Variants in LNPEP observed in about 807,000 individuals in gnomAD.
LNPEP encodes leucyl-cystinyl aminopeptidase.
LNPEP carries 64 observed loss-of-function variants against 120.6 expected under a neutral mutation model. The observed-to-expected ratio is 0.53, with a 90% CI of 0.43 to 0.65. LNPEP has a LOEUF of 0.65. LNPEP is among the 30% of genes least tolerant of loss of function. The pLI is 0.00. For synonymous variants in LNPEP, 435 were observed against 425.4 expected, an observed-to-expected ratio of 1.02 and a Z score of -0.28; for missense variants, 1,057 against 1,200.0, an observed-to-expected ratio of 0.88 and a Z score of 1.76.
intron 1 of LNPEP, among the ~76,000 whole-genome samples, chr5:96,978,239 A>G (rs894003524): frequency 2.6e-5 from 4 of 152,054 alleles, no homozygotes; most frequent in South Asian, 4.1e-4. Flanking sequence ...TTCTACTTCT[A>G]GAGTCTTTTT....
chr5:96,979,070 A>T, intron 1 of LNPEP, 68 bp from the exon 2 acceptor site: 3 of 1,501,772 alleles, frequency 2.0e-6, no homozygotes, highest in Non-Finnish European at 2.7e-6. Flanking sequence ...GGTAGAAGAC[A>T]TGTTATTAAT....
chr5:97,015,853 A>G (rs903557637), intron 13 of LNPEP, among the ~76,000 whole-genome samples: 1 of 152,132 alleles, frequency 6.6e-6, no homozygotes, highest in Non-Finnish European at 1.5e-5. Flanking sequence ...GGGTTTTGGT[A>G]TTCTCATTGG....
intron 4 of LNPEP, among the ~76,000 whole-genome samples, chr5:96,989,135 C>A (rs892031093): frequency 6.6e-6 from 1 of 150,822 alleles, no homozygotes; most frequent in South Asian, 2.1e-4. Flanking sequence ...AACATAGACT[C>A]TGGAGTCTAA....
chr5:96,979,353 A>G lies in LNPEP; in HGVS notation c.235A>G (p.Met79Val). Reference sequence around the variant, plus strand: ...TGAGTCATCAGCAAAGCTGCTGGGCATGTCCTTCATGAATAGAAGCTCAGG... The same window carrying G: ...TGAGTCATCAGCAAAGCTGCTGGGCGTGTCCTTCATGAATAGAAGCTCAGG... ...DYESSAKLLGMSFMNRSSGLR... is the reference protein window; with the variant it reads ...DYESSAKLLGVSFMNRSSGLR... The change falls in exon 2 of 18, where the codon ATG becomes GTG. Residue 79 changes from methionine to valine, a missense_variant. By Grantham distance (21) the Met-to-Val change is conservative. Transcript: ENST00000231368. 3 of 1,614,066 alleles carry G rather than the reference A, an allele frequency of 1.9e-6. No homozygotes were observed. The highest frequency in any genetic ancestry group is 2.5e-6 in the Non-Finnish European group (3 of 1,179,960).
chr5:96,987,790 G>T (rs1484030606), intron 4 of LNPEP, among the ~76,000 whole-genome samples: 1 of 152,190 alleles, frequency 6.6e-6, no homozygotes, highest in Non-Finnish European at 1.5e-5. Flanking sequence ...CCTTTCAAAA[G>T]GATATTATAA....
At position 96,996,477 on chromosome 5, in the gene LNPEP, GA is replaced by G; in HGVS notation, c.1501del (p.Ile501TyrfsTer12). ...CACTTTCATGGAGTATTTCTCTTTG[GA>G]AAAAATATTCAAAGAGCTTTCTAGT... ...FATFMEYFSL[E>X]KIFKELSSYE... On this transcript the variant is annotated frameshift_variant, in exon 7 of 18. Coordinates refer to ENST00000231368, the MANE Select transcript of LNPEP (RefSeq NM_005575.3). LOFTEE classifies it high-confidence loss of function. 2 of 1,597,976 alleles carry G rather than the reference GA, an allele frequency of 1.3e-6. No individual in the cohort carries two copies. The highest frequency in any genetic ancestry group is 1.7e-6 in the Non-Finnish European group (2 of 1,166,362).
chr5:96,999,170 T>C (rs185448153), intron 8 of LNPEP, among the ~76,000 whole-genome samples: 1 of 152,318 alleles, frequency 6.6e-6, no homozygotes, highest in African/African-American at 2.4e-5. Context: ...AATGACTTGA[T>C]TAAAGTTACT....
intron 17 of LNPEP, 117 bp from the exon 18 acceptor site, chr5:97,028,285 C>G (rs1791393384): frequency 1.1e-6 from 1 of 896,326 alleles, no homozygotes; most frequent in African/African-American, 1.7e-5. Flanking sequence ...CTTCTTTCTA[C>G]TGCTTTCAAG....
At chr5:96,943,757 A>G (rs749113463) in intron 1 of LNPEP, among the ~76,000 whole-genome samples, 3 of 152,242 alleles carry the variant, frequency 2.0e-5, no homozygotes, top group Non-Finnish European at 4.4e-5. Context: ...GGGAGTTTCA[A>G]AAAACAATGG....
chr5:97,008,741 T>A lies in LNPEP; in HGVS notation c.2035+2226T>A, dbSNP rs536726784. Reference sequence around the variant, plus strand: ...GTGCAGTGGCGCGATCTCAGCTCACTGCAAGCTCCGCCTCCCGGGTTCACG... The same window carrying A: ...GTGCAGTGGCGCGATCTCAGCTCACAGCAAGCTCCGCCTCCCGGGTTCACG... On this transcript the variant is annotated intron_variant, in intron 11 of 17. Transcript: ENST00000231368. 8.3e-5 allele frequency among the ~76,000 whole-genome samples: 12 copies of A among 145,148 alleles called. No homozygotes were observed. The South Asian group carries it at 2.7e-3, about 32-fold the overall frequency.
intron 3 of LNPEP, among the ~76,000 whole-genome samples, chr5:96,986,002 G>C (rs1289151411): frequency 6.6e-6 from 1 of 152,086 alleles, no homozygotes; most frequent in East Asian, 1.9e-4. Context: ...ATTTGTGGTT[G>C]GAAAATTCTA....
intron 4 of LNPEP, among the ~76,000 whole-genome samples, chr5:96,991,920 C>A (rs989204147): frequency 6.6e-6 from 1 of 152,124 alleles, no homozygotes; most frequent in African/African-American, 2.4e-5. Flanking sequence ...CAAAAAGTTT[C>A]CATTTTCCAC....
rs1791382244 is a variant in LNPEP at position 97,027,779 on chromosome 5, A to G, written c.2911A>G (p.Thr971Ala). Residue 971 changes from threonine (T) to alanine (A), a missense_variant, in exon 17 of 18, where the codon ACT (threonine) becomes GCT (alanine). Physicochemically the swap from Thr to Ala is moderately conservative, Grantham distance 58. Coordinates refer to ENST00000231368, the MANE Select transcript of LNPEP (RefSeq NM_005575.3). ...YTIQNIVAGSTYLFSTKTHLS... is the reference protein window; with the variant it reads ...YTIQNIVAGSAYLFSTKTHLS... ...CATACAAAATATTGTTGCTGGATCAACTTACCTGTTTTCAACAAAGACACA... is the reference window on the plus strand; with the variant it reads ...CATACAAAATATTGTTGCTGGATCAGCTTACCTGTTTTCAACAAAGACACA... 1 of 1,610,080 alleles carries G rather than the reference A, an allele frequency of 6.2e-7. No individual in the cohort carries two copies. Among genetic ancestry groups the G allele is most frequent in the East Asian group, 2.2e-5 (1 of 44,872 alleles).
chr5:97,033,423 GTC>G lies in LNPEP; in HGVS notation c.*4893_*4894del. On this transcript the variant is annotated 3_prime_UTR_variant, in exon 18 of 18. Coordinates refer to ENST00000231368, the MANE Select transcript of LNPEP (RefSeq NM_005575.3). ...ACCATGGAGTTCCGGATGTATAACA[GTC>G]TCCTCTTTTCCCTTTCCCTTATTGC... The G allele has an allele frequency of 6.6e-6, 1 of 152,182 alleles. No individual in the cohort carries two copies. 9.4% of individuals were successfully genotyped at this position (152,182 alleles called of 1,614,324 possible). A position where few individuals can be genotyped will look rare whatever the true frequency, so the allele number is the denominator to read the frequency against.
At chr5:96,940,732 G>C (rs146889862) in intron 1 of LNPEP, among the ~76,000 whole-genome samples, 1 of 152,278 alleles carries the variant, frequency 6.6e-6, no homozygotes, top group East Asian at 1.9e-4. Flanking sequence ...AAAGAGTTTA[G>C]CCAAGATTAC....
In LNPEP at chr5:97,030,591, A is replaced by G. The variant is rs1034629113; in HGVS notation, c.*2058A>G. ...CATATGGCAAATCTTGTCTTGAATT[A>G]TATCATTTCTCTCCCTCTCTCTCTC... On this transcript the variant is annotated 3_prime_UTR_variant, in exon 18 of 18. Transcript: ENST00000231368. 6.7e-6 allele frequency: 1 copy of G among 148,902 alleles called. No individual in the cohort carries two copies. Among genetic ancestry groups the G allele is most frequent in the Admixed American group, 6.7e-5 (1 of 14,860 alleles). 9.2% of individuals were successfully genotyped at this position (148,902 alleles called of 1,614,324 possible). A position where few individuals can be genotyped will look rare whatever the true frequency, so the allele number is the denominator to read the frequency against.
At chr5:97,004,579 T>G (rs1349298741) in intron 9 of LNPEP, among the ~76,000 whole-genome samples, 4 of 152,130 alleles carry the variant, frequency 2.6e-5, no homozygotes, top group Admixed American at 2.6e-4. Flanking sequence ...CTGGCCATAT[T>G]ACTCAGAAAA....
chr5:96,971,858 T>C (rs898378676), intron 1 of LNPEP, among the ~76,000 whole-genome samples: 20 of 152,090 alleles, frequency 1.3e-4, no homozygotes, highest in African/African-American at 4.8e-4. Context: ...GGGATACAAT[T>C]GAAAAATAAT....
intron 5 of LNPEP, 105 bp downstream of exon 5, chr5:96,993,240 C>T: frequency 1.3e-6 from 1 of 750,720 alleles, no homozygotes; most frequent in Non-Finnish European, 2.1e-6. Flanking sequence ...GCAGAGAAAA[C>T]CAAAAACCAT....
Sources: gnomAD v4.1 joint callset for allele counts (sites outside exome capture counted in the v4.1 genomes callset) on GRCh38, gnomAD v4.1.1 for gene constraint, MANE v1.5 for transcripts, NCBI Gene and HGNC (gene_info 2026-07-23, HGNC 2026-07-21) for gene names.